ZNF714: variants seen among roughly 807,000 people sequenced by gnomAD.
ZNF714 encodes the protein zinc finger protein 714.
ZNF714 carries 32 observed loss-of-function variants against 46.2 expected under a neutral mutation model. The ratio of observed to expected loss-of-function variants is 0.69; its 90% CI spans 0.52 to 0.93. ZNF714 has a LOEUF of 0.93. ZNF714 is among the 40% of genes least tolerant of loss of function. ZNF714 has a pLI of 0.00. For synonymous variants in ZNF714, 199 were observed against 213.1 expected (o/e 0.93, Z 0.58); for missense variants, 635 against 646.3 (o/e 0.98, Z 0.19).
chr19:21,111,461 C>G (rs1035542950), intron 4 of ZNF714, among the ~76,000 whole-genome samples: 14 of 152,024 alleles, frequency 9.2e-5, no homozygotes, highest in Admixed American at 3.3e-4. Context: ...GATGAAGAAG[C>G]TTTTGGGCTG....
At position 21,117,794 on chromosome 19, in the gene ZNF714, C is replaced by G; in HGVS notation, c.1130C>G (p.Ala377Gly). ...TACAAATGTGAAGAATGTGGCAAAG[C>G]CTTTAACCACTCCTCAAAACTTACT... ...KPYKCEECGK[A>G]FNHSSKLTIH... The change falls in exon 5 of 5, where the codon GCC becomes GGC. Residue 377 changes from alanine to glycine, a missense_variant. Transcript: ENST00000456283. 5 of 1,612,454 alleles carry G rather than the reference C, an allele frequency of 3.1e-6. No homozygotes were observed. The highest frequency in any genetic ancestry group is 4.2e-6 in the Non-Finnish European group (5 of 1,179,156).
chr19:21,106,834 G>GCTTATT (rs1969330311), intron 4 of ZNF714, among the ~76,000 whole-genome samples: 1 of 151,736 alleles, frequency 6.6e-6, no homozygotes, highest in Non-Finnish European at 1.5e-5. Flanking sequence ...ATGTATGTAT[G>GCTTATT]TATGTATGTT....
Position 21,107,531 on chromosome 19 carries a change from A to T in ZNF714, c.142+8621A>T, listed in dbSNP as rs1444165847. Among the ~76,000 whole-genome samples the T allele has an allele frequency of 1.7e-4, 24 of 139,594 alleles. 1 individual carries two copies. The highest frequency in any genetic ancestry group is 7.7e-4 in the African/African-American group (23 of 29,740). 91.6% of individuals were successfully genotyped at this position (139,594 alleles called of 152,430 possible). A position where few individuals can be genotyped will look rare whatever the true frequency, so the allele number is the denominator to read the frequency against. ...TGGGATTGCAGGTGTAAGCCACCAC[A>T]CCCAGCCATAGACAAGATTTCTATA... On this transcript the variant is annotated intron_variant, in intron 4 of 4. Coordinates refer to ENST00000456283, the MANE Select transcript of ZNF714 (RefSeq NM_182515.4).
chr19:21,112,815 G>GTTT (rs1314785181), intron 4 of ZNF714, among the ~76,000 whole-genome samples: 1 of 41,700 alleles, frequency 2.4e-5, no homozygotes, highest in Non-Finnish European at 5.6e-5. Context: ...TTTTATTTCT[G>GTTT]ATTTTTTTTT....
chr19:21,118,107 C>G lies in ZNF714; in HGVS notation c.1443C>G (p.Tyr481Ter). The G allele has an allele frequency of 6.2e-7, 1 of 1,613,880 alleles. No homozygotes were observed. The highest frequency in any genetic ancestry group is 8.5e-7 in the Non-Finnish European group (1 of 1,179,854). The part of the protein sequence containing the change: ...HNIIHTGEKS[Y>*]KCEECGKAFN... ...TAATTCATACTGGAGAGAAATCTTA[C>G]AAATGTGAAGAATGTGGTAAAGCCT... The change falls in exon 5 of 5, where the codon TAC (tyrosine) becomes TAG (stop). Residue 481 changes from tyrosine (Y) to a stop codon, truncating the protein, a stop_gained. Transcript: ENST00000456283. LOFTEE classifies it high-confidence loss of function.
At chr19:21,110,698 T>G (rs1021472054) in intron 4 of ZNF714, among the ~76,000 whole-genome samples, 1 of 152,196 alleles carries the variant, frequency 6.6e-6, no homozygotes, top group African/African-American at 2.4e-5. Flanking sequence ...TAAATTTTAT[T>G]TTAGGGTTCT....
At chr19:21,106,058 C>T (rs1160278957) in intron 4 of ZNF714, among the ~76,000 whole-genome samples, 4 of 151,538 alleles carry the variant, frequency 2.6e-5, no homozygotes, top group Non-Finnish European at 5.9e-5. Flanking sequence ...TTGAGACCAG[C>T]GTGGCCAACA....
At chr19:21,085,772 A>C (rs1277868035) in intron 2 of ZNF714, among the ~76,000 whole-genome samples, 3 of 152,120 alleles carry the variant, frequency 2.0e-5, no homozygotes, top group Non-Finnish European at 2.9e-5. Flanking sequence ...AGGCAAATGC[A>C]GTTAAGGTTA....
chr19:21,093,191 A>G (rs1968958968), intron 2 of ZNF714, among the ~76,000 whole-genome samples: 2 of 150,850 alleles, frequency 1.3e-5, no homozygotes, highest in Non-Finnish European at 3.0e-5. Context: ...GGCGTGAGCC[A>G]CCATACCTGG....
chr19:21,098,156 ACG>A (rs1359629355), intron 2 of ZNF714, 27 bp from the exon 3 acceptor site: 2 of 1,586,022 alleles, frequency 1.3e-6, no homozygotes, highest in Middle Eastern at 3.4e-4. Flanking sequence ...TGGTAAATAT[ACG>A]TGTGTCTGTG....
chr19:21,113,427 A>G (rs976073558), intron 4 of ZNF714, among the ~76,000 whole-genome samples: 1 of 151,748 alleles, frequency 6.6e-6, no homozygotes. Context: ...GTGCAGTGGC[A>G]TGTTATGATT....
chr19:21,102,985 T>C (rs1969220149), intron 4 of ZNF714, among the ~76,000 whole-genome samples: 1 of 152,162 alleles, frequency 6.6e-6, no homozygotes, highest in Non-Finnish European at 1.5e-5. Flanking sequence ...TCGGATTATA[T>C]ATGTGTGTGT....
intron 2 of ZNF714, among the ~76,000 whole-genome samples, chr19:21,097,012 G>T (rs953423631): frequency 2.6e-5 from 4 of 151,864 alleles, no homozygotes; most frequent in Non-Finnish European, 5.9e-5. Flanking sequence ...GACTACAGGC[G>T]CCCACCACCA....
At chr19:21,114,995 A>T in intron 4 of ZNF714, among the ~76,000 whole-genome samples, 1 of 140,402 alleles carries the variant, frequency 7.1e-6, no homozygotes, top group African/African-American at 2.6e-5. Flanking sequence ...TCTTTTTTAT[A>T]CTTATCTTGA....
chr19:21,106,722 C>A (rs1227544386), intron 4 of ZNF714, among the ~76,000 whole-genome samples: 1 of 152,142 alleles, frequency 6.6e-6, no homozygotes, highest in African/African-American at 2.4e-5. Context: ...ATCATGTAAT[C>A]ATATACAGAA....
In ZNF714 at chr19:21,118,557, T is replaced by C. The variant is rs1159637600; in HGVS notation, c.*225T>C. On this transcript the variant is annotated 3_prime_UTR_variant, in exon 5 of 5. Transcript: ENST00000456283. ...CAGTCCTCGAACCTTTTTAAGAAAA[T>C]AATTTATACTGGAGAGAAATTCTAC... The C allele has an allele frequency of 1.8e-5, 5 of 276,772 alleles. No homozygotes were observed. The South Asian group carries it at 2.2e-4, about 12-fold the overall frequency. 17.1% of individuals were successfully genotyped at this position (276,772 alleles called of 1,614,324 possible).
chr19:21,094,417 G>A (rs1236512774), intron 2 of ZNF714, among the ~76,000 whole-genome samples: 2 of 152,186 alleles, frequency 1.3e-5, no homozygotes, highest in Non-Finnish European at 2.9e-5. Context: ...CAGTAATTCT[G>A]TTTTCAGTTC....
In ZNF714 at chr19:21,118,290, A is replaced by G. The variant is rs1320492359; in HGVS notation, c.1626A>G (p.Leu542=). The G allele has an allele frequency of 2.5e-6, 3 of 1,196,806 alleles. No individual in the cohort carries two copies. The highest frequency in any genetic ancestry group is 2.5e-5 in the Admixed American group (1 of 40,736). 74.1% of individuals were successfully genotyped at this position (1,196,806 alleles called of 1,614,324 possible). A position where few individuals can be genotyped will look rare whatever the true frequency, so the allele number is the denominator to read the frequency against. ...PGQHGKTPSL[L]KIQKFAGCGG... ...AACATGGTAAAACCCCATCTCTACT[A>G]AAAATACAAAAATTTGCTGGGTGTG... Residue 542 remains leucine, a synonymous_variant, in exon 5 of 5, where the codon CTA becomes CTG. Coordinates refer to ENST00000456283, the MANE Select transcript of ZNF714 (RefSeq NM_182515.4).
chr19:21,085,872 A>G (rs914578125), intron 2 of ZNF714, among the ~76,000 whole-genome samples: 1 of 97,006 alleles, frequency 1.0e-5, no homozygotes, highest in African/African-American at 3.1e-5. Flanking sequence ...AAACAAAGTT[A>G]GGTTTATGTA....
Sources: allele counts gnomAD v4.1 joint callset (sites outside exome capture counted in the v4.1 genomes callset), GRCh38; gene constraint gnomAD v4.1.1; transcripts MANE v1.5; gene names NCBI Gene and HGNC (gene_info 2026-07-23, HGNC 2026-07-21).